LAMA2: variants seen among roughly 807,000 people sequenced by gnomAD.
LAMA2 encodes laminin subunit alpha-2.
In LAMA2, 269 loss-of-function variants were observed where a neutral mutation model predicts 364.8. That is an observed-to-expected ratio of 0.74 (90% CI 0.67 to 0.82). The LOEUF is 0.82. Ranked by LOEUF, LAMA2 falls within the 40% of genes least tolerant of loss-of-function variation. The pLI, the probability that LAMA2 is intolerant of heterozygous loss-of-function variation, is 0.00. For synonymous variants in LAMA2, 1,379 were observed against 1,370.6 expected (o/e 1.01, Z -0.14); for missense variants, 3,807 against 3,873.2 (o/e 0.98, Z 0.45).
chr6:129,306,931 G>A (rs760649141), intron 22 of LAMA2, among the ~76,000 whole-genome samples: 1 of 151,734 alleles, frequency 6.6e-6, no homozygotes, highest in Non-Finnish European at 1.5e-5. Context: ...TTTTATTGCA[G>A]GACTATTCCT....
chr6:129,434,296 T>A (rs1459172880), intron 41 of LAMA2, among the ~76,000 whole-genome samples: 1 of 152,218 alleles, frequency 6.6e-6, no homozygotes, highest in African/African-American at 2.4e-5. Context: ...CGACCCTTGC[T>A]ACTCTGCTGC....
At chr6:129,485,445 C>T (rs1454124819) in intron 55 of LAMA2, among the ~76,000 whole-genome samples, 1 of 152,108 alleles carries the variant, frequency 6.6e-6, no homozygotes, top group Non-Finnish European at 1.5e-5. Flanking sequence ...TATATGCTAT[C>T]TGAAGGAGGA....
chr6:129,451,365 C>T (rs2114785482), intron 45 of LAMA2, among the ~76,000 whole-genome samples: 1 of 152,298 alleles, frequency 6.6e-6, no homozygotes, highest in South Asian at 2.1e-4. Flanking sequence ...CCATAGTTGG[C>T]CCTGAGTCCT....
intron 61 of LAMA2, 76 bp downstream of exon 61, chr6:129,505,431 C>A: frequency 8.4e-7 from 1 of 1,185,866 alleles, no homozygotes; most frequent in South Asian, 1.2e-5. Flanking sequence ...CTTATTAGGT[C>A]ACATGGGCCC....
chr6:129,345,039 C>T (rs986531081), intron 30 of LAMA2, among the ~76,000 whole-genome samples: 8 of 152,144 alleles, frequency 5.3e-5, no homozygotes, highest in African/African-American at 1.9e-4. Context: ...TTTAGAAATG[C>T]TGGCTTGGCA....
chr6:129,292,847 T>C (rs1789808620), intron 20 of LAMA2: 2 of 985,880 alleles, frequency 2.0e-6, no homozygotes. Flanking sequence ...GTGTGCTATG[T>C]GACTGCGATC....
chr6:129,029,712 C>T (rs1197871815), intron 1 of LAMA2, among the ~76,000 whole-genome samples: 1 of 151,912 alleles, frequency 6.6e-6, no homozygotes, highest in Non-Finnish European at 1.5e-5. Flanking sequence ...AGATAAACTG[C>T]AGTAAAAGAC....
chr6:129,095,538 G>T (rs1248654363), intron 3 of LAMA2, among the ~76,000 whole-genome samples: 4 of 152,030 alleles, frequency 2.6e-5, no homozygotes, highest in Admixed American at 2.6e-4. Context: ...CTCAAAAAAT[G>T]TGTTTATGTA....
At chr6:129,059,499 A>G (rs1349564120) in intron 2 of LAMA2, among the ~76,000 whole-genome samples, 1 of 152,162 alleles carries the variant, frequency 6.6e-6, no homozygotes, top group African/African-American at 2.4e-5. Context: ...TTCTGTAGTT[A>G]CCTTTAAAAT....
At chr6:128,922,212 G>C (rs557653892) in intron 1 of LAMA2, among the ~76,000 whole-genome samples, 9 of 150,952 alleles carry the variant, frequency 6.0e-5, no homozygotes, top group Non-Finnish European at 1.3e-4. Flanking sequence ...TAGTCCTTTG[G>C]GTATATACCC....
At chr6:128,921,697 G>GTTTTTTTTTTTTTTTTTTT (rs547882651) in intron 1 of LAMA2, among the ~76,000 whole-genome samples, 16 of 118,042 alleles carry the variant, frequency 1.4e-4, no homozygotes, top group African/African-American at 5.6e-4. Flanking sequence ...ATGAATGTCT[G>GTTTTTTTTTTTTTTTTTTT]TTTTTTTTTT....
At chr6:129,481,478 G>C (rs765587894) in intron 55 of LAMA2, 39 bp downstream of exon 55, 2 of 1,516,854 alleles carry the variant, frequency 1.3e-6, no homozygotes, top group Non-Finnish European at 1.8e-6. Context: ...TTTCCCTAAT[G>C]CTTATATAAA....
chr6:129,008,498 TA>T (rs1253713513), intron 1 of LAMA2, among the ~76,000 whole-genome samples: 3 of 152,198 alleles, frequency 2.0e-5, no homozygotes, highest in Non-Finnish European at 4.4e-5. Context: ...TTGCTATTCT[TA>T]TTTTACTAGT....
Position 129,209,113 on chromosome 6 carries a change from AC to A in LAMA2, c.1782+16261del, listed in dbSNP as rs1471067565. The stretch of plus-strand genomic sequence containing the variant: ...CTGCCTTAAGCTCGTTTTTACTCAT[AC>A]TGCAGGAAAAAAAAGAGTGAGTAGG... On this transcript the variant is annotated intron_variant, in intron 12 of 64. Coordinates refer to ENST00000421865, the MANE Select transcript of LAMA2 (RefSeq NM_000426.4). Among the ~76,000 whole-genome samples, 3 of 152,246 alleles carry A rather than the reference AC, an allele frequency of 2.0e-5. No individual in the cohort carries two copies. The South Asian group carries it at 6.2e-4, about 32-fold the overall frequency.
At chr6:128,898,655 A>G (rs544845144) in intron 1 of LAMA2, among the ~76,000 whole-genome samples, 1 of 152,222 alleles carries the variant, frequency 6.6e-6, no homozygotes, top group Non-Finnish European at 1.5e-5. Context: ...TTTACAATCA[A>G]TTTTCCATGC....
intron 17 of LAMA2, among the ~76,000 whole-genome samples, chr6:129,279,440 T>C (rs1000431917): frequency 2.0e-5 from 3 of 152,118 alleles, no homozygotes; most frequent in Non-Finnish European, 2.9e-5. Context: ...TGCCAGAGGG[T>C]ATGAGATGGC....
chr6:129,290,343 T>C lies in LAMA2; in HGVS notation c.2750-1271T>C, dbSNP rs889132139. On this transcript the variant is annotated intron_variant, in intron 19 of 64. Coordinates refer to ENST00000421865, the MANE Select transcript of LAMA2 (RefSeq NM_000426.4). ...AGGAAAAATTTTCAGCCTTTCCTTG[T>C]ATTTCAGCTATAGACTATCCGTAGG... is the stretch of plus-strand genomic sequence containing the variant. Among the ~76,000 whole-genome samples, 4 of 152,300 alleles carry C rather than the reference T, an allele frequency of 2.6e-5. No homozygotes were observed. The East Asian group carries it at 5.8e-4, about 22-fold the overall frequency.
intron 1 of LAMA2, among the ~76,000 whole-genome samples, chr6:129,047,600 G>A (rs1215085423): frequency 6.6e-6 from 1 of 152,144 alleles, no homozygotes; most frequent in African/African-American, 2.4e-5. Flanking sequence ...AAGATTCTTT[G>A]GGGGCAGCTC....
chr6:129,472,403 GA>G (rs1226991998), intron 51 of LAMA2, among the ~76,000 whole-genome samples: 1 of 151,910 alleles, frequency 6.6e-6, no homozygotes, highest in African/African-American at 2.4e-5. Flanking sequence ...ACATGTGGTA[GA>G]AAAGCATGTA....
Sources: gnomAD v4.1 joint callset for allele counts (sites outside exome capture counted in the v4.1 genomes callset) on GRCh38, gnomAD v4.1.1 for gene constraint, MANE v1.5 for transcripts, NCBI Gene and HGNC (gene_info 2026-07-23, HGNC 2026-07-21) for gene names.